Variants in CADPS observed in about 807,000 individuals in gnomAD.
CADPS encodes the protein calcium-dependent secretion activator 1.
CADPS carries 57 observed loss-of-function variants against 167.3 expected under a neutral mutation model. That is an observed-to-expected ratio of 0.34 (90% CI 0.28 to 0.42). The LOEUF (loss-of-function observed/expected upper bound fraction) is 0.42, where lower values mean the gene tolerates loss of function less well. Ranked by LOEUF, CADPS falls within the 20% of genes least tolerant of loss-of-function variation. CADPS has a pLI of 1.00. For synonymous variants in CADPS, 676 were observed against 635.3 expected (o/e 1.06, Z -0.96); for missense variants, 1,414 against 1,738.1 (o/e 0.81, Z 3.32).
At chr3:62,679,297 C>T (rs930936798) in intron 3 of CADPS, among the ~76,000 whole-genome samples, 5 of 152,108 alleles carry the variant, frequency 3.3e-5, no homozygotes, top group East Asian at 1.9e-4. Context: ...ACAGGTTAAA[C>T]GCACACTGAG....
Position 62,585,303 on chromosome 3 carries a change from T to G in CADPS, c.1459A>C (p.Asn487His). 1.2e-6 allele frequency: 2 copies of G among 1,611,646 alleles called. No individual in the cohort carries two copies. The highest frequency in any genetic ancestry group is 1.7e-6 in the Non-Finnish European group (2 of 1,178,664). Residue 487 changes from asparagine to histidine, a missense_variant, in exon 8 of 30, where the codon AAC becomes CAC. Asn to His is a moderately conservative substitution (Grantham distance 68, BLOSUM62 1). Coordinates refer to ENST00000383710, the MANE Select transcript of CADPS (RefSeq NM_003716.4). ...LGRVILHPTPNSPKQSEWHKM... is the reference protein window; with the variant it reads ...LGRVILHPTPHSPKQSEWHKM... ...TGCCACTCTGACTGTTTGGGGCTGT[T>G]CGGGGTGGGATGGAGAATAACCTGT...
rs1028529343 is a variant in CADPS at position 62,530,386 on chromosome 3, A to G, written c.2291+2485T>C. The stretch of plus-strand genomic sequence containing the variant: ...TGCCACTAAAAAAGCAATCTGACTC[A>G]CAATTCTGTTTACATATTGCTCAAT... On this transcript the variant is annotated intron_variant, in intron 13 of 29. Transcript: ENST00000383710. 1.5e-4 allele frequency among the ~76,000 whole-genome samples: 23 copies of G among 152,308 alleles called. No individual in the cohort carries two copies. In the South Asian group the frequency reaches 1.7e-3, roughly 11 times the overall value.
intron 5 of CADPS, among the ~76,000 whole-genome samples, chr3:62,650,526 T>A (rs933710060): frequency 2.0e-5 from 3 of 152,220 alleles, no homozygotes; most frequent in Non-Finnish European, 2.9e-5. Flanking sequence ...GCCTCTCTTA[T>A]AACTGTAAAA....
At chr3:62,795,832 A>T (rs910934975) in intron 1 of CADPS, among the ~76,000 whole-genome samples, 4 of 152,180 alleles carry the variant, frequency 2.6e-5, no homozygotes, top group African/African-American at 9.6e-5. Context: ...GCAAGACATG[A>T]AAAAGGAGCT....
At chr3:62,776,964 A>G (rs1559569649) in intron 1 of CADPS, among the ~76,000 whole-genome samples, 1 of 152,166 alleles carries the variant, frequency 6.6e-6, no homozygotes, top group Non-Finnish European at 1.5e-5. Flanking sequence ...CTCTTTTGTC[A>G]GTTACAATCT....
At chr3:62,743,319 A>G (rs543919563) in intron 3 of CADPS, among the ~76,000 whole-genome samples, 1 of 152,346 alleles carries the variant, frequency 6.6e-6, no homozygotes, top group African/African-American at 2.4e-5. Context: ...AAAGTTTAAC[A>G]AGAACACAGC....
chr3:62,583,844 T>C (rs976212371), intron 8 of CADPS, among the ~76,000 whole-genome samples: 8 of 152,060 alleles, frequency 5.3e-5, no homozygotes, highest in African/African-American at 9.7e-5. Context: ...TCTGACTGCA[T>C]GCTGCTGTGG....
intron 9 of CADPS, among the ~76,000 whole-genome samples, chr3:62,565,287 G>A (rs2079945410): frequency 6.6e-6 from 1 of 152,154 alleles, no homozygotes; most frequent in Non-Finnish European, 1.5e-5. Context: ...AAGGAAGATG[G>A]CGAGAGGAGG....
At chr3:62,784,498 C>T (rs544212605) in intron 1 of CADPS, among the ~76,000 whole-genome samples, 5 of 152,164 alleles carry the variant, frequency 3.3e-5, no homozygotes, top group African/African-American at 9.6e-5. Context: ...AGGCAATTGT[C>T]ACTGATGGAT....
chr3:62,673,776 G>A (rs1043310682), intron 3 of CADPS, among the ~76,000 whole-genome samples: 1 of 152,100 alleles, frequency 6.6e-6, no homozygotes, highest in African/African-American at 2.4e-5. Flanking sequence ...TTCAAAACAA[G>A]CCAGAGGTGA....
chr3:62,509,092 C>T (rs1214347065), intron 17 of CADPS, among the ~76,000 whole-genome samples: 1 of 151,706 alleles, frequency 6.6e-6, no homozygotes, highest in African/African-American at 2.4e-5. Flanking sequence ...CACTTGAGGC[C>T]AGGAGTTCAA....
rs370385916 is a variant in CADPS at position 62,715,939 on chromosome 3, G to A, written c.888+37502C>T. Among the ~76,000 whole-genome samples, 42 of 151,524 alleles carry A rather than the reference G, an allele frequency of 2.8e-4. 1 individual carries two copies. The highest frequency in any genetic ancestry group is 9.9e-4 in the African/African-American group (41 of 41,296). On this transcript the variant is annotated intron_variant, in intron 3 of 29. Transcript: ENST00000383710. ...TTTTTGTATTTTTAGAAGAGACGGG[G>A]TTTCATCATGTTAGCCAGGATGGTC... is the stretch of plus-strand genomic sequence containing the variant.
In CADPS at chr3:62,753,194, C is replaced by A. The variant is rs1468618116; in HGVS notation, c.888+247G>T. Among the ~76,000 whole-genome samples, 1 of 152,152 alleles carries A rather than the reference C, an allele frequency of 6.6e-6. No individual in the cohort carries two copies. Among genetic ancestry groups the A allele is most frequent in the African/African-American group, 2.4e-5 (1 of 41,418 alleles). The stretch of plus-strand genomic sequence containing the variant: ...ATAGGGCCAACTTACCCATTAGACA[C>A]AATGAGCTCAATGCCTAGGGCCCCT... On this transcript the variant is annotated intron_variant, in intron 3 of 29. Transcript: ENST00000383710. This position sits in a 1 kb window ranked among gnomAD's most constrained non-coding sequence, Gnocchi z 4.6.
intron 17 of CADPS, among the ~76,000 whole-genome samples, chr3:62,508,036 T>G (rs2067002059): frequency 6.6e-6 from 1 of 152,162 alleles, no homozygotes; most frequent in South Asian, 2.1e-4. Flanking sequence ...AGGATTTGAA[T>G]TTGGGGTATA....
At chr3:62,714,739 A>C (rs1296146595) in intron 3 of CADPS, among the ~76,000 whole-genome samples, 1 of 152,190 alleles carries the variant, frequency 6.6e-6, no homozygotes, top group Non-Finnish European at 1.5e-5. Flanking sequence ...GCAAAATATT[A>C]CTGTCATTTT....
intron 24 of CADPS, among the ~76,000 whole-genome samples, chr3:62,467,757 A>T (rs2060112936): frequency 6.6e-6 from 1 of 152,154 alleles, no homozygotes; most frequent in Admixed American, 6.5e-5. Flanking sequence ...AAAGATTTTT[A>T]GCGGGTCTAT....
intron 1 of CADPS, among the ~76,000 whole-genome samples, chr3:62,803,299 G>A (rs2093888020): frequency 6.6e-6 from 1 of 151,232 alleles, no homozygotes; most frequent in Non-Finnish European, 1.5e-5. Context: ...TTAAGGTAGG[G>A]GCATTACTGA....
chr3:62,431,757 T>G (rs887566712), intron 28 of CADPS, among the ~76,000 whole-genome samples: 3 of 151,918 alleles, frequency 2.0e-5, no homozygotes, highest in Admixed American at 6.6e-5. Context: ...AGTGGGTAAT[T>G]TTGAATACAG....
At chr3:62,621,625 A>T (rs1277302987) in intron 6 of CADPS, among the ~76,000 whole-genome samples, 1 of 152,058 alleles carries the variant, frequency 6.6e-6, no homozygotes, top group Non-Finnish European at 1.5e-5. Context: ...GTATATGTTC[A>T]GGTTACTTAC....
Sources: gnomAD v4.1 joint callset for allele counts (sites outside exome capture counted in the v4.1 genomes callset) on GRCh38, gnomAD v4.1.1 for gene constraint, Gnocchi (gnomAD v3.1) non-coding constraint, MANE v1.5 for transcripts, NCBI Gene and HGNC (gene_info 2026-07-23, HGNC 2026-07-21) for gene names.